Variants in ARFGEF3 observed in about 807,000 individuals in gnomAD.
The protein encoded by ARFGEF3 is ARFGEF family member 3, also known as brefeldin A-inhibited guanine nucleotide-exchange protein 3.
Under a neutral mutation model 221.7 loss-of-function variants are expected in ARFGEF3, and 96 were observed. The ratio of observed to expected loss-of-function variants is 0.43; its 90% confidence interval spans 0.37 to 0.51. The LOEUF (loss-of-function observed/expected upper bound fraction) is 0.51. Among genes scored for constraint, ARFGEF3 ranks in the 20% least tolerant of loss-of-function variants. The pLI, the probability that ARFGEF3 is intolerant of heterozygous loss-of-function variation, is 0.00. For missense variants in ARFGEF3, 2,410 were observed against 2,789.9 expected, an observed-to-expected ratio of 0.86 and a Z score of 3.07; for synonymous variants, 1,145 against 1,126.8, an observed-to-expected ratio of 1.02 and a Z score of -0.32.
chr6:138,214,954 C>G (rs937551443), intron 4 of ARFGEF3, among the ~76,000 whole-genome samples: 6 of 152,148 alleles, frequency 3.9e-5, no homozygotes, highest in Non-Finnish European at 7.4e-5. Flanking sequence ...ACAGCTTGAG[C>G]AAACAATAAA....
chr6:138,253,731 A>T, intron 8 of ARFGEF3, 149 bp from the exon 9 acceptor site: 1 of 660,782 alleles, frequency 1.5e-6, no homozygotes, highest in South Asian at 1.8e-5. Flanking sequence ...TTGGGGAGAG[A>T]GACACAGTTC....
intron 12 of ARFGEF3, among the ~76,000 whole-genome samples, chr6:138,264,113 C>T (rs756507713): frequency 5.9e-5 from 9 of 152,122 alleles, no homozygotes; most frequent in African/African-American, 1.9e-4. Context: ...AGCTTGGTAA[C>T]GTTGCATTCT....
At position 138,323,256 on chromosome 6, in the gene ARFGEF3, G is replaced by A. The variant is rs574228497; in HGVS notation, c.4767-415G>A. The stretch of plus-strand genomic sequence containing the variant: ...AGACAAGGAGACTTGGCAGGGAGCT[G>A]CAGAATAAACCTGTGCATGAGCCCA... On this transcript the variant is annotated intron_variant, in intron 29 of 33. Transcript: ENST00000251691. Among the ~76,000 whole-genome samples, 10 of 152,290 alleles carry A rather than the reference G, an allele frequency of 6.6e-5. No individual in the cohort carries two copies. The East Asian group carries it at 1.2e-3, about 18-fold the overall frequency.
At chr6:138,225,677 G>A (rs1778071312) in intron 4 of ARFGEF3, among the ~76,000 whole-genome samples, 1 of 152,180 alleles carries the variant, frequency 6.6e-6, no homozygotes, top group Non-Finnish European at 1.5e-5. Context: ...GAGGACAGAA[G>A]GAAGAAAGTG....
At chr6:138,188,329 C>G (rs1777231583) in intron 2 of ARFGEF3, among the ~76,000 whole-genome samples, 1 of 152,174 alleles carries the variant, frequency 6.6e-6, no homozygotes, top group South Asian at 2.1e-4. Flanking sequence ...TAATGAGGAT[C>G]TGTCCTGTCC....
In ARFGEF3 at chr6:138,162,959, G is replaced by A. The variant is rs1298716003; in HGVS notation, c.85+788G>A. Among the ~76,000 whole-genome samples the A allele has an allele frequency of 6.6e-6, 1 of 152,172 alleles. No homozygotes were observed. The highest frequency in any genetic ancestry group is 2.4e-5 in the African/African-American group (1 of 41,440). Reference sequence around the variant, plus strand: ...TTTAGAAAGGAAAGGCCAAGAAGAAGCCAGCGCAGCTAGCTCTATGGGCTC... The same window carrying A: ...TTTAGAAAGGAAAGGCCAAGAAGAAACCAGCGCAGCTAGCTCTATGGGCTC... On this transcript the variant is annotated intron_variant, in intron 1 of 33. Coordinates refer to ENST00000251691, the MANE Select transcript of ARFGEF3 (RefSeq NM_020340.5). This position sits in a 1 kb window ranked among gnomAD's most constrained non-coding sequence, Gnocchi z 4.7.
chr6:138,316,373 T>C (rs1779926234), intron 26 of ARFGEF3, among the ~76,000 whole-genome samples: 1 of 152,228 alleles, frequency 6.6e-6, no homozygotes, highest in East Asian at 1.9e-4. Context: ...ATTACATTTT[T>C]CCTCTTATAG....
At chr6:138,336,201 A>C (rs1335786740) in intron 33 of ARFGEF3, 94 bp from the exon 34 acceptor site, 6 of 985,770 alleles carry the variant, frequency 6.1e-6, no homozygotes, top group African/African-American at 1.7e-5. Flanking sequence ...TAAAGCCTGG[A>C]AAAAAACCAT....
At chr6:138,256,669 T>C (rs1317804664) in intron 10 of ARFGEF3, among the ~76,000 whole-genome samples, 1 of 152,166 alleles carries the variant, frequency 6.6e-6, no homozygotes, top group Non-Finnish European at 1.5e-5. Flanking sequence ...GTTAAGAAAA[T>C]CTATGAGCCC....
chr6:138,275,789 A>G (rs1197191678), intron 12 of ARFGEF3, among the ~76,000 whole-genome samples: 1 of 152,120 alleles, frequency 6.6e-6, no homozygotes, highest in African/African-American at 2.4e-5. Flanking sequence ...TCACTGGATA[A>G]ACATTCTAGC....
chr6:138,221,950 T>C (rs1457979433), intron 4 of ARFGEF3, among the ~76,000 whole-genome samples: 1 of 152,238 alleles, frequency 6.6e-6, no homozygotes, highest in East Asian at 1.9e-4. Flanking sequence ...AACCTGCTAA[T>C]AGTGGTAGAT....
intron 4 of ARFGEF3, among the ~76,000 whole-genome samples, chr6:138,226,576 C>T (rs959921870): frequency 5.9e-5 from 9 of 152,090 alleles, no homozygotes; most frequent in African/African-American, 1.9e-4. Flanking sequence ...TCCTGCTGTT[C>T]CATGGTAATT....
chr6:138,289,844 G>C lies in ARFGEF3; in HGVS notation c.2923G>C (p.Glu975Gln). 6.2e-7 allele frequency: 1 copy of C among 1,613,884 alleles called. No individual in the cohort carries two copies. Among genetic ancestry groups the C allele is most frequent in the South Asian group, 1.1e-5 (1 of 91,020 alleles). ...QVKLKVEQKL[E>Q]QIGKVQGVWL... is the part of the protein sequence containing the mutation. ...GAAACTAAAAGTGGAGCAGAAACTGGAGCAGATTGGGAAGGTGCAGGGGGT... is the reference window on the plus strand; with the variant it reads ...GAAACTAAAAGTGGAGCAGAAACTGCAGCAGATTGGGAAGGTGCAGGGGGT... Residue 975 changes from glutamate (E) to glutamine (Q), a missense_variant, in exon 18 of 34, where the codon GAG (glutamate) becomes CAG (glutamine). Glu to Gln is a conservative substitution (Grantham distance 29, BLOSUM62 2). Transcript: ENST00000251691.
intron 2 of ARFGEF3, among the ~76,000 whole-genome samples, chr6:138,183,680 C>A (rs1373415417): frequency 6.6e-6 from 1 of 152,172 alleles, no homozygotes; most frequent in Non-Finnish European, 1.5e-5. Flanking sequence ...AAGAGCTTGT[C>A]ATTTGCTGAA....
chr6:138,329,909 AAAAG>A (rs1343694131), intron 32 of ARFGEF3, among the ~76,000 whole-genome samples: 1 of 152,120 alleles, frequency 6.6e-6, no homozygotes, highest in Non-Finnish European at 1.5e-5. Flanking sequence ...GCTGAGTCAG[AAAAG>A]AGAGTCAGCG....
At chr6:138,271,666 G>A (rs1779004883) in intron 12 of ARFGEF3, among the ~76,000 whole-genome samples, 1 of 152,208 alleles carries the variant, frequency 6.6e-6, no homozygotes, top group Admixed American at 6.5e-5. Flanking sequence ...CAGACAGCAT[G>A]CTCATTACAC....
intron 1 of ARFGEF3, among the ~76,000 whole-genome samples, chr6:138,166,395 C>T (rs994430504): frequency 7.9e-5 from 12 of 152,178 alleles, no homozygotes; most frequent in African/African-American, 2.4e-4. Flanking sequence ...AAGGTCATAC[C>T]GCATATGGCA....
At chr6:138,173,111 A>G (rs74540249) in intron 2 of ARFGEF3, among the ~76,000 whole-genome samples, 6,139 of 152,258 alleles carry the variant, frequency 0.04, 136 homozygotes, top group Middle Eastern at 0.093. Flanking sequence ...GGAGAAAAAT[A>G]ACAATACAGC....
In ARFGEF3 at chr6:138,291,944, C is replaced by T; in HGVS notation, c.3259C>T (p.Leu1087Phe). ...CGTCCAGCCCCTGTCCATCCAGGAC[C>T]TCGTCCGGGAAGGCAGCCGGGGTCG... is the stretch of plus-strand genomic sequence containing the variant. ...PVVQPLSIQDLVREGSRGRAS... is the reference protein window; with the variant it reads ...PVVQPLSIQDFVREGSRGRAS... Residue 1087 changes from leucine to phenylalanine, a missense_variant, in exon 19 of 34, where the codon CTC becomes TTC. Coordinates refer to ENST00000251691, the MANE Select transcript of ARFGEF3 (RefSeq NM_020340.5). This position sits in a 1 kb window ranked among gnomAD's most constrained non-coding sequence, Gnocchi z 4.5. 1 of 1,524,976 alleles carries T rather than the reference C, an allele frequency of 6.6e-7. No individual in the cohort carries two copies. The highest frequency in any genetic ancestry group is 1.7e-4 in the Middle Eastern group (1 of 5,828). The allele number at this position is 1,524,976 out of a possible 1,614,324, so 94.5% of individuals were successfully genotyped here.
Sources: allele counts gnomAD v4.1 joint callset (sites outside exome capture counted in the v4.1 genomes callset), GRCh38; gene constraint gnomAD v4.1.1; non-coding constraint Gnocchi (gnomAD v3.1); transcripts MANE v1.5; gene names NCBI Gene and HGNC (gene_info 2026-07-23, HGNC 2026-07-21).